ATF7: variants seen among roughly 807,000 people sequenced by gnomAD.
ATF7 encodes the protein activating transcription factor 7, also known as cyclic AMP-dependent transcription factor ATF-7.
A neutral mutation model predicts 50.4 loss-of-function variants in ATF7; 10 were observed. The ratio of observed to expected loss-of-function variants is 0.20; its 90% CI spans 0.12 to 0.34. The LOEUF (loss-of-function observed/expected upper bound fraction) is 0.34. ATF7 is among the 10% of genes least tolerant of loss of function. The probability of loss-of-function intolerance (pLI) is 1.00; values close to 1 mark genes in which losing one functional copy is unlikely to be tolerated. For synonymous variants in ATF7, 201 were observed against 226.4 expected, an observed-to-expected ratio of 0.89 and a Z score of 1.01; for missense variants, 465 against 613.9, an observed-to-expected ratio of 0.76 and a Z score of 2.56.
chr12:53,614,576 AAT>A, intron 1 of ATF7, among the ~76,000 whole-genome samples: 1 of 152,332 alleles, frequency 6.6e-6, no homozygotes, highest in Middle Eastern at 3.4e-3. Context: ...CTGGATAGGA[AAT>A]AGCTGCACTA....
In ATF7 at chr12:53,610,112, C is replaced by T. The variant is rs145200657; in HGVS notation, c.-21-9091G>A. 5.8e-3 allele frequency among the ~76,000 whole-genome samples: 879 copies of T among 151,922 alleles called. 7 individuals carry two copies. The highest frequency in any genetic ancestry group is 0.02 in the African/African-American group (839 of 41,432). ...GATTACAGGCGTGAGCCACCGTGCC[C>T]GGATTTTAGCCTTATTGTTTTATAT... is the stretch of plus-strand genomic sequence containing the variant. On this transcript the variant is annotated intron_variant, in intron 1 of 11. Transcript: ENST00000420353.
intron 9 of ATF7, among the ~76,000 whole-genome samples, chr12:53,530,852 G>A (rs1016451563): frequency 5.9e-5 from 9 of 151,882 alleles, no homozygotes; most frequent in Non-Finnish European, 1.2e-4. Context: ...CAGAAGATCC[G>A]CCTGCCTCGG....
intron 3 of ATF7, among the ~76,000 whole-genome samples, chr12:53,546,595 C>T (rs2137461269): frequency 6.7e-6 from 1 of 149,814 alleles, no homozygotes; most frequent in Non-Finnish European, 1.5e-5. Flanking sequence ...ATTACAGGTG[C>T]ATGCCACCAT....
chr12:53,532,788 C>T (rs937626862), intron 7 of ATF7, among the ~76,000 whole-genome samples, 165 bp from the exon 8 acceptor site: 1 of 152,190 alleles, frequency 6.6e-6, no homozygotes, highest in Non-Finnish European at 1.5e-5. Flanking sequence ...TACCTTTCTC[C>T]ATGGAGCACC....
At chr12:53,622,734 A>T (rs1440301871) in intron 1 of ATF7, among the ~76,000 whole-genome samples, 1 of 151,994 alleles carries the variant, frequency 6.6e-6, no homozygotes, top group East Asian at 1.9e-4. Context: ...GCACTTTGAG[A>T]GACCAAGGTG....
At chr12:53,521,791 A>C (rs900152965) in intron 11 of ATF7, among the ~76,000 whole-genome samples, 2 of 152,232 alleles carry the variant, frequency 1.3e-5, no homozygotes, top group African/African-American at 4.8e-5. Context: ...TATCCCCAGC[A>C]TGAAAAACAG....
intron 1 of ATF7, among the ~76,000 whole-genome samples, chr12:53,601,765 G>A (rs1352965036): frequency 6.6e-6 from 1 of 152,136 alleles, no homozygotes; most frequent in Admixed American, 6.5e-5. Flanking sequence ...GGCTGTTTGT[G>A]CTGCTTTCGG....
chr12:53,578,343 G>A (rs1592916679), intron 2 of ATF7, among the ~76,000 whole-genome samples: 1 of 145,384 alleles, frequency 6.9e-6, no homozygotes, highest in Admixed American at 7.1e-5. Flanking sequence ...ACTCTAGCCT[G>A]GGCAACACAG....
chr12:53,607,991 G>A (rs1231402920), intron 1 of ATF7, among the ~76,000 whole-genome samples: 2 of 151,972 alleles, frequency 1.3e-5, no homozygotes, highest in East Asian at 3.8e-4. Context: ...AGGCCGAGGC[G>A]GGCAGATCAC....
At chr12:53,550,934 T>C (rs565859036) in intron 3 of ATF7, among the ~76,000 whole-genome samples, 1 of 152,336 alleles carries the variant, frequency 6.6e-6, no homozygotes, top group East Asian at 1.9e-4. Flanking sequence ...CTTCTACCCA[T>C]TTGGAATAAC....
rs113724322 is a variant in ATF7, at chr12:53,611,328, G to A, written c.-21-10307C>T. ...TACCAAAAATACAAAAATTAGCTGG[G>A]CATGGTGGCACGTGCTCCGGAGGCT... is the stretch of plus-strand genomic sequence containing the variant. On this transcript the variant is annotated intron_variant, in intron 1 of 11. Transcript: ENST00000420353. Among the ~76,000 whole-genome samples the A allele has an allele frequency of 4.3e-3, 651 of 152,108 alleles. 10 individuals are homozygous for A. The highest frequency in any genetic ancestry group is 0.04 in the South Asian group (191 of 4,804).
chr12:53,535,653 T>C (rs535052962), intron 5 of ATF7, among the ~76,000 whole-genome samples: 85 of 152,300 alleles, frequency 5.6e-4, no homozygotes, highest in Middle Eastern at 3.4e-3. Context: ...TCAATAAATG[T>C]ATTAAAAATA....
At chr12:53,616,410 A>C (rs937956941) in intron 1 of ATF7, among the ~76,000 whole-genome samples, 11 of 151,764 alleles carry the variant, frequency 7.2e-5, no homozygotes, top group Admixed American at 7.2e-4. Flanking sequence ...TTTTGTAGAG[A>C]TGGGGTCTCC....
At chr12:53,565,818 T>C (rs1191286196) in intron 2 of ATF7, among the ~76,000 whole-genome samples, 1 of 152,084 alleles carries the variant, frequency 6.6e-6, no homozygotes, top group African/African-American at 2.4e-5. Context: ...TAGTACTCTC[T>C]TATGACTTTT....
chr12:53,595,060 A>C (rs1943098249), intron 2 of ATF7, among the ~76,000 whole-genome samples: 1 of 152,232 alleles, frequency 6.6e-6, no homozygotes, highest in Admixed American at 6.5e-5. Context: ...ATTTGTGTAT[A>C]ATGCCGTGTA....
At chr12:53,539,065 C>T (rs1433284868) in intron 4 of ATF7, among the ~76,000 whole-genome samples, 1 of 152,130 alleles carries the variant, frequency 6.6e-6, no homozygotes, top group Admixed American at 6.5e-5. Context: ...TTAAACACTT[C>T]TGGAGACTCT....
At chr12:53,581,895 G>A (rs1435257315) in intron 2 of ATF7, among the ~76,000 whole-genome samples, 1 of 151,932 alleles carries the variant, frequency 6.6e-6, no homozygotes, top group East Asian at 1.9e-4. Context: ...GGCTAAAGCA[G>A]GAGGATTGCT....
intron 1 of ATF7, among the ~76,000 whole-genome samples, chr12:53,612,547 C>G (rs897510705): frequency 2.8e-4 from 43 of 152,070 alleles, no homozygotes; most frequent in African/African-American, 9.9e-4. Context: ...GCTGGGATTA[C>G]AGGAGTGAGC....
At chr12:53,590,458 C>T (rs1230756579) in intron 2 of ATF7, among the ~76,000 whole-genome samples, 7 of 152,174 alleles carry the variant, frequency 4.6e-5, no homozygotes, top group Admixed American at 4.6e-4. Flanking sequence ...TCAACCTAAT[C>T]AAAGGAAAAG....
Sources: gnomAD v4.1 joint callset for allele counts (sites outside exome capture counted in the v4.1 genomes callset) on GRCh38, gnomAD v4.1.1 for gene constraint, MANE v1.5 for transcripts, NCBI Gene and HGNC (gene_info 2026-07-23, HGNC 2026-07-21) for gene names.